KRT6C: variants seen among roughly 807,000 people sequenced by gnomAD.
KRT6C encodes keratin, type II cytoskeletal 6C.
KRT6C carries 46 observed loss-of-function variants against 49.4 expected under a neutral mutation model. That is an observed-to-expected ratio of 0.93 (90% CI 0.74 to 1.19). The LOEUF (loss-of-function observed/expected upper bound fraction) is 1.19, where lower values mean the gene tolerates loss of function less well. Ranked by LOEUF, KRT6C falls within the 50% of genes most tolerant of loss-of-function variation. The probability of loss-of-function intolerance (pLI) is 0.00; values close to 1 mark genes in which losing one functional copy is unlikely to be tolerated. For missense variants in KRT6C, 552 were observed against 737.5 expected, an observed-to-expected ratio of 0.75 and a Z score of 2.91; for synonymous variants, 236 against 297.1, an observed-to-expected ratio of 0.79 and a Z score of 2.12.
intron 5 of KRT6C, 82 bp downstream of exon 5, chr12:52,471,050 A>T: frequency 6.2e-7 from 1 of 1,610,670 alleles, no homozygotes; most frequent in Non-Finnish European, 8.5e-7. Flanking sequence ...CTGTCAGGGG[A>T]TGTCCCCAGT....
chr12:52,469,049 TGG>T lies in KRT6C; in HGVS notation c.*11_*12del. ...GCCTGAGGACTGTGGGACCGAGAGC[TGG>T]AGGCAGCACTTTAGTGCTTGTAGCT... is the stretch of plus-strand genomic sequence containing the variant. On this transcript the variant is annotated 3_prime_UTR_variant, in exon 9 of 9. Coordinates refer to ENST00000252250, the MANE Select transcript of KRT6C (RefSeq NM_173086.5). 7 of 1,614,028 alleles carry T rather than the reference TGG, an allele frequency of 4.3e-6. No homozygotes were observed. The South Asian group carries it at 6.6e-5, about 15-fold the overall frequency.
At chr12:52,471,330 A>G (rs199510987) in intron 4 of KRT6C, 34 bp from the exon 5 acceptor site, 1 of 1,613,940 alleles carries the variant, frequency 6.2e-7, no homozygotes. Flanking sequence ...TCAACTTCAC[A>G]TCTGACATTT....
Position 52,471,123 on chromosome 12 carries a change from C to T in KRT6C, c.1077+9G>A, listed in dbSNP as rs1937871430. ...AGGATTCCTCAGCAGCTGCCCACTC[C>T]CTGCTCACCTTGGTCTGGTACCAGG... On this transcript the variant is annotated intron_variant, in intron 5 of 8. Transcript: ENST00000252250. The T allele has an allele frequency of 3.1e-6, 5 of 1,614,174 alleles. No individual in the cohort carries two copies. Among genetic ancestry groups the T allele is most frequent in the Non-Finnish European group, 4.2e-6 (5 of 1,180,016 alleles).
rs751678221 is a variant in KRT6C at position 52,473,753 on chromosome 12, G to T, written c.-16C>A. On this transcript the variant is annotated 5_prime_UTR_variant, in exon 1 of 9. Coordinates refer to ENST00000252250, the MANE Select transcript of KRT6C (RefSeq NM_173086.5). ...TGCTGGCCATGGTTCCAGGAGATGA[G>T]AGGGCTGTGGCGAGCGTTGGAGGCT... is the stretch of plus-strand genomic sequence containing the variant. 2 of 1,614,146 alleles carry T rather than the reference G, an allele frequency of 1.2e-6. No individual in the cohort carries two copies. The highest frequency in any genetic ancestry group is 1.1e-5 in the South Asian group (1 of 91,070).
rs1285141366 is a variant in KRT6C at position 52,468,822 on chromosome 12, A to C, written c.*240T>G. On this transcript the variant is annotated 3_prime_UTR_variant, in exon 9 of 9. Coordinates refer to ENST00000252250, the MANE Select transcript of KRT6C (RefSeq NM_173086.5). ...AAATTAATAATTTAGTAACAAAGTG[A>C]AGCTCCATTGGTGAATACATTATGA... The C allele has an allele frequency of 5.3e-6, 3 of 564,602 alleles. No individual in the cohort carries two copies. The Admixed American group carries it at 9.2e-5, about 17-fold the overall frequency. 35.0% of individuals were successfully genotyped at this position (564,602 alleles called of 1,614,324 possible).
rs147574610 is a variant in KRT6C at position 52,472,185 on chromosome 12, C to G, written c.636G>C (p.Pro212=). 1.0e-5 allele frequency: 15 copies of G among 1,481,792 alleles called. 3 individuals carry two copies. Among genetic ancestry groups the G allele is most frequent in the Non-Finnish European group, 1.2e-5 (13 of 1,069,806 alleles). 91.8% of individuals were successfully genotyped at this position (1,481,792 alleles called of 1,614,324 possible). Residue 212 remains proline (P), a synonymous_variant, in exon 2 of 9, where the codon CCG becomes CCC. Transcript: ENST00000252250. ...GGTTGTTGATGTACTGCTCGAACAA[C>G]GGCTCCAGGTTCTGCCTCACAGTCT... ...GTKTVRQNLE[P]LFEQYINNLR...
rs1324788538 is a variant in KRT6C at position 52,471,522 on chromosome 12, G to A, written c.817-6C>T. 1 of 1,613,272 alleles carries A rather than the reference G, an allele frequency of 6.2e-7. No homozygotes were observed. The highest frequency in any genetic ancestry group is 1.1e-5 in the South Asian group (1 of 91,024). On this transcript the variant is annotated splice_polypyrimidine_tract_variant and splice_region_variant and intron_variant, in intron 3 of 8. Coordinates refer to ENST00000252250, the MANE Select transcript of KRT6C (RefSeq NM_173086.5). Reference sequence around the variant, plus strand: ...ATGTAGGCAGCATCCACATCCTGGGGAAAGAGCCAACAACCTGGAGTTACC... The same window carrying A: ...ATGTAGGCAGCATCCACATCCTGGGAAAAGAGCCAACAACCTGGAGTTACC...
Position 52,469,668 on chromosome 12 carries a change from A to G in KRT6C, c.1424+2T>C. On this transcript the variant is annotated splice_donor_variant, in intron 7 of 8. Coordinates refer to ENST00000252250, the MANE Select transcript of KRT6C (RefSeq NM_173086.5). LOFTEE classifies it high-confidence loss of function. The stretch of plus-strand genomic sequence containing the variant: ...TTGGAGGAAGTCGCGTCAGTTACCT[A>G]CCTGCACTCCTCGCCCTCCAGCAGC... 1.2e-6 allele frequency: 2 copies of G among 1,614,096 alleles called. No individual in the cohort carries two copies. The highest frequency in any genetic ancestry group is 8.5e-7 in the Non-Finnish European group (1 of 1,180,002).
In KRT6C at chr12:52,469,718, T is replaced by C. The variant is rs1391822462; in HGVS notation, c.1376A>G (p.Asp459Gly). The C allele has an allele frequency of 1.2e-6, 2 of 1,614,000 alleles. No individual in the cohort carries two copies. Among genetic ancestry groups the C allele is most frequent in the East Asian group, 4.5e-5 (2 of 44,886 alleles). The change falls in exon 7 of 9, where the codon GAT becomes GGT. Residue 459 changes from aspartate to glycine, a missense_variant. Asp to Gly is a moderately conservative substitution (Grantham distance 94). Around this residue, in one of 3 missense-constraint regions of KRT6C, gnomAD observed 425 missense variants for 439.4 expected, o/e 0.97. Transcript: ENST00000252250. ...CTTGCGGTAGGTGGCGATCTCCACA[T>C]CCAGGGCCAGCTTGACATTCATCAG... is the stretch of plus-strand genomic sequence containing the variant. ...QELMNVKLAL[D>G]VEIATYRKLL...
rs773262885 is a variant in KRT6C, at chr12:52,470,495, C to T, written c.1203+10G>A. On this transcript the variant is annotated intron_variant, in intron 6 of 8. Transcript: ENST00000252250. ...ATGATGCTTCTTTCCTCCACTGCAC[C>T]TCACTGTACCTGCTTCTTGACATGG... 1 of 1,614,122 alleles carries T rather than the reference C, an allele frequency of 6.2e-7. No individual in the cohort carries two copies. Among genetic ancestry groups the T allele is most frequent in the Non-Finnish European group, 8.5e-7 (1 of 1,180,006 alleles).
chr12:52,471,760 A>G lies in KRT6C; in HGVS notation c.756-28T>C, dbSNP rs28628144. On this transcript the variant is annotated intron_variant, in intron 2 of 8. Transcript: ENST00000252250. ...ACAGGAAGAAAGGCATAGGACACAT[A>G]TGAGCCAGTGGGTAGGATGAAACAG... 3.7e-6 allele frequency: 6 copies of G among 1,613,002 alleles called. No homozygotes were observed. In the East Asian group the frequency reaches 6.7e-5, roughly 18 times the overall value.
Position 52,469,082 on chromosome 12 carries a change from T to G in KRT6C, c.1675A>C (p.Arg559=). ...GCACTTTAGTGCTTGTAGCTCTTCC[T>G]GCTGGAGGAGGAGGTGGTGGTGTAC... ...IKYTTTSSSS[R]KSYKH Residue 559 remains arginine (R), a synonymous_variant, in exon 9 of 9, where the codon AGG becomes CGG. Coordinates refer to ENST00000252250, the MANE Select transcript of KRT6C (RefSeq NM_173086.5). The G allele has an allele frequency of 1.2e-6, 2 of 1,614,134 alleles. No individual in the cohort carries two copies. Among genetic ancestry groups the G allele is most frequent in the Non-Finnish European group, 1.7e-6 (2 of 1,179,996 alleles).
At chr12:52,469,998 CTT>C in intron 6 of KRT6C, 108 bp from the exon 7 acceptor site, 1 of 1,225,468 alleles carries the variant, frequency 8.2e-7, no homozygotes, top group Non-Finnish European at 1.2e-6. Context: ...AGAGAATGAG[CTT>C]TGACTCTTCC....
At chr12:52,469,981 A>G in intron 6 of KRT6C, 91 bp from the exon 7 acceptor site, 1 of 1,399,722 alleles carries the variant, frequency 7.1e-7, no homozygotes, top group Non-Finnish European at 1.0e-6. Context: ...TGTAACCCAA[A>G]ATTGACAGAG....
intron 1 of KRT6C, 145 bp downstream of exon 1, chr12:52,473,053 C>T: frequency 7.7e-7 from 1 of 1,302,046 alleles, no homozygotes; most frequent in South Asian, 1.2e-5. Context: ...GTGCTGCCTC[C>T]TGTGCACCGA....
Position 52,468,938 on chromosome 12 carries a change from A to C in KRT6C, c.*124T>G, listed in dbSNP as rs2121517472. On this transcript the variant is annotated 3_prime_UTR_variant, in exon 9 of 9. Coordinates refer to ENST00000252250, the MANE Select transcript of KRT6C (RefSeq NM_173086.5). ...AGAAGTGAGGGCACTAAGCATCCATACCCAGCTCTACCTCGGAGAGCAGGG... is the reference window on the plus strand; with the variant it reads ...AGAAGTGAGGGCACTAAGCATCCATCCCCAGCTCTACCTCGGAGAGCAGGG... The C allele has an allele frequency of 8.1e-7, 1 of 1,234,324 alleles. No individual in the cohort carries two copies. Among genetic ancestry groups the C allele is most frequent in the East Asian group, 2.4e-5 (1 of 41,652 alleles). The allele number at this position is 1,234,324 out of a possible 1,614,324, so 76.5% of individuals were successfully genotyped here. A position where few individuals can be genotyped will look rare whatever the true frequency, so the allele number is the denominator to read the frequency against.
In KRT6C at chr12:52,471,415, G is replaced by T. The variant is rs575400258; in HGVS notation, c.912+6C>A. On this transcript the variant is annotated splice_donor_region_variant and intron_variant, in intron 4 of 8. Transcript: ENST00000252250. ...GAGTAAACAGAAGGATGGTGGAGAT[G>T]CTTACTGCATCATACAAGGCTCTCA... The T allele has an allele frequency of 4.3e-6, 7 of 1,613,988 alleles. No individual in the cohort carries two copies. The East Asian group carries it at 1.6e-4, about 36-fold the overall frequency.
chr12:52,470,681 G>C (rs905378115), intron 5 of KRT6C, 51 bp from the exon 6 acceptor site: 26 of 1,613,298 alleles, frequency 1.6e-5, no homozygotes, highest in Non-Finnish European at 2.1e-5. Flanking sequence ...TCTTACCTGG[G>C]AGCGATGACT....
chr12:52,470,439 G>T (rs1036658610), intron 6 of KRT6C, 66 bp downstream of exon 6: 52 of 1,612,542 alleles, frequency 3.2e-5, no homozygotes, highest in Non-Finnish European at 3.1e-5. Flanking sequence ...TCAAATAATG[G>T]CTAATGACTG....
Sources: gnomAD v4.1 joint callset for allele counts on GRCh38, gnomAD v4.1.1 for gene constraint, gnomAD v4.1.1 regional missense constraint, MANE v1.5 for transcripts, NCBI Gene and HGNC (gene_info 2026-07-23, HGNC 2026-07-21) for gene names.